CERS3: variants seen among roughly 807,000 people sequenced by gnomAD.
CERS3 encodes ceramide synthase 3.
CERS3 carries 33 observed loss-of-function variants against 50.3 expected under a neutral mutation model. The observed-to-expected ratio is 0.66, with a 90% CI of 0.50 to 0.88. CERS3 has a LOEUF of 0.88. Ranked by LOEUF, CERS3 falls within the 40% of genes least tolerant of loss-of-function variation. The pLI is 0.00. For synonymous variants in CERS3, 176 were observed against 155.2 expected, an observed-to-expected ratio of 1.13 and a Z score of -0.99; for missense variants, 470 against 460.3, an observed-to-expected ratio of 1.02 and a Z score of -0.19.
intron 11 of CERS3, among the ~76,000 whole-genome samples, chr15:100,427,230 G>T (rs1418144598): frequency 6.6e-6 from 1 of 151,974 alleles, no homozygotes; most frequent in Non-Finnish European, 1.5e-5. Context: ...GATGGTTCCT[G>T]CTGGACAGCG....
intron 1 of CERS3, among the ~76,000 whole-genome samples, chr15:100,537,945 T>C (rs1439305285): frequency 1.3e-5 from 2 of 152,192 alleles, no homozygotes; most frequent in Admixed American, 6.5e-5. Flanking sequence ...ACTTCCTAGA[T>C]ACAATGGTGG....
At chr15:100,538,254 G>T (rs564413171) in intron 1 of CERS3, among the ~76,000 whole-genome samples, 2 of 152,220 alleles carry the variant, frequency 1.3e-5, no homozygotes, top group African/African-American at 4.8e-5. Flanking sequence ...GCTGCCAATG[G>T]ATCTACCATT....
chr15:100,468,743 T>G (rs2034865693), intron 10 of CERS3, among the ~76,000 whole-genome samples: 1 of 152,214 alleles, frequency 6.6e-6, no homozygotes, highest in African/African-American at 2.4e-5. Context: ...AGGAAATGAT[T>G]GTCATGGGAG....
intron 2 of CERS3, among the ~76,000 whole-genome samples, chr15:100,518,005 A>G (rs1263276611): frequency 6.6e-6 from 1 of 152,202 alleles, no homozygotes; most frequent in Non-Finnish European, 1.5e-5. Context: ...CCTTGAGCAA[A>G]TGGGGATGGG....
intron 11 of CERS3, among the ~76,000 whole-genome samples, chr15:100,443,517 T>C (rs547582615): frequency 0.028 from 3,987 of 142,688 alleles, 69 homozygotes; most frequent in African/African-American, 0.11. Flanking sequence ...CACTCCATAA[T>C]CCATTATTGT....
chr15:100,514,246 A>G (rs1471943462), intron 2 of CERS3, among the ~76,000 whole-genome samples: 2 of 152,230 alleles, frequency 1.3e-5, no homozygotes, highest in Non-Finnish European at 2.9e-5. Flanking sequence ...GAGTCAAACT[A>G]TTAAATACCA....
At chr15:100,457,526 G>A (rs2034415930) in intron 10 of CERS3, among the ~76,000 whole-genome samples, 1 of 152,184 alleles carries the variant, frequency 6.6e-6, no homozygotes, top group Non-Finnish European at 1.5e-5. Context: ...TCTTATTACT[G>A]AGTGGCACTC....
intron 9 of CERS3, among the ~76,000 whole-genome samples, chr15:100,471,475 C>G (rs932032255): frequency 2.0e-5 from 3 of 152,104 alleles, no homozygotes; most frequent in Admixed American, 1.3e-4. Flanking sequence ...CCTTTAATAA[C>G]ACAATGAGGC....
At chr15:100,531,069 G>A (rs1473416162), upstream of CERS3, among the ~76,000 whole-genome samples, 1 of 152,096 alleles carries the variant, frequency 6.6e-6, no homozygotes, top group Non-Finnish European at 1.5e-5. Flanking sequence ...GGGTGACAGA[G>A]TGAGACTCCT....
At chr15:100,421,230 CAA>C (rs2032403095) in intron 11 of CERS3, among the ~76,000 whole-genome samples, 1 of 150,608 alleles carries the variant, frequency 6.6e-6, no homozygotes, top group Non-Finnish European at 1.5e-5. Context: ...GCAACTTCAG[CAA>C]AGTCTCAGGA....
chr15:100,532,916 C>T (rs1002897759), upstream of CERS3, among the ~76,000 whole-genome samples: 5 of 152,138 alleles, frequency 3.3e-5, no homozygotes, highest in African/African-American at 4.8e-5. Flanking sequence ...AAATGTGAAG[C>T]CTATGTCTTA....
intron 3 of CERS3, among the ~76,000 whole-genome samples, chr15:100,501,299 T>C (rs2035988899): frequency 1.3e-5 from 2 of 152,170 alleles, no homozygotes; most frequent in South Asian, 4.1e-4. Context: ...GCTTCCTGAG[T>C]CATAGACTCT....
At chr15:100,485,274 C>T (rs2035451394) in intron 4 of CERS3, among the ~76,000 whole-genome samples, 1 of 152,124 alleles carries the variant, frequency 6.6e-6, no homozygotes, top group South Asian at 2.1e-4. Context: ...ATTTCAATAA[C>T]AAAAATAACA....
intron 9 of CERS3, 67 bp downstream of exon 9, chr15:100,472,857 T>G (rs766572944): frequency 1.3e-6 from 2 of 1,584,834 alleles, no homozygotes; most frequent in Non-Finnish European, 1.7e-6. Flanking sequence ...TCACAATTAC[T>G]TCTGTGAGCA....
At chr15:100,425,449 C>A (rs1356915425) in intron 11 of CERS3, among the ~76,000 whole-genome samples, 1 of 151,014 alleles carries the variant, frequency 6.6e-6, no homozygotes, top group Non-Finnish European at 1.5e-5. Context: ...GGAGTCAAAG[C>A]AGATTATTTT....
intron 5 of CERS3, 40 bp from the exon 6 acceptor site, chr15:100,480,086 T>C (rs765174450): frequency 1.4e-6 from 2 of 1,461,300 alleles, no homozygotes; most frequent in South Asian, 1.2e-5. Context: ...CTTGTAAAGG[T>C]AACTGAGATT....
Position 100,421,856 on chromosome 15 carries a change from G to A in CERS3, c.1000-18991C>T, listed in dbSNP as rs1232032813. Among the ~76,000 whole-genome samples the A allele has an allele frequency of 2.9e-4, 19 of 65,030 alleles. 1 individual carries two copies. The highest frequency in any genetic ancestry group is 7.2e-4 in the African/African-American group (15 of 20,950). The allele number at this position is 65,030 out of a possible 152,430, so 42.7% of individuals were successfully genotyped here. On this transcript the variant is annotated intron_variant, in intron 11 of 11. Coordinates refer to ENST00000679737, the MANE Select transcript of CERS3 (RefSeq NM_001378789.1). ...GGAAAGGATTCCCTATTTAATAAAT[G>A]GTGGTGGGAAAACTGGCTAGCCATA...
chr15:100,444,510 C>G (rs902802118), intron 11 of CERS3, among the ~76,000 whole-genome samples: 56 of 151,262 alleles, frequency 3.7e-4, no homozygotes, highest in South Asian at 1.0e-3. Flanking sequence ...CAGGCGTAAT[C>G]GCCACACACC....
intron 6 of CERS3, 23 bp from the exon 7 acceptor site, chr15:100,479,501 A>G: frequency 6.4e-7 from 1 of 1,557,092 alleles, no homozygotes; most frequent in Non-Finnish European, 8.7e-7. Context: ...AAAAAAAAAG[A>G]GCCAACAGAT....
Sources: allele counts gnomAD v4.1 joint callset (sites outside exome capture counted in the v4.1 genomes callset), GRCh38; gene constraint gnomAD v4.1.1; transcripts MANE v1.5; gene names NCBI Gene and HGNC (gene_info 2026-07-23, HGNC 2026-07-21).